ARHGEF26: variants seen among roughly 807,000 people sequenced by gnomAD.
ARHGEF26 encodes the protein Rho guanine nucleotide exchange factor (GEF) 26.
Under a neutral mutation model 89.4 loss-of-function variants are expected in ARHGEF26, and 59 were observed. The ratio of observed to expected loss-of-function variants is 0.66; its 90% CI spans 0.54 to 0.82. The LOEUF (loss-of-function observed/expected upper bound fraction) is 0.82, where lower values mean the gene tolerates loss of function less well. Among genes scored for constraint, ARHGEF26 ranks in the 40% least tolerant of loss-of-function variants. ARHGEF26 has a pLI of 0.00. For synonymous variants in ARHGEF26, 500 were observed against 428.4 expected, an observed-to-expected ratio of 1.17 and a Z score of -2.06; for missense variants, 1,234 against 1,085.6, an observed-to-expected ratio of 1.14 and a Z score of -1.92.
Position 154,203,594 on chromosome 3 carries a change from A to G in ARHGEF26, c.1845+8876A>G, listed in dbSNP as rs1714800533. 2.0e-5 allele frequency among the ~76,000 whole-genome samples: 3 copies of G among 152,162 alleles called. No individual in the cohort carries two copies. In the South Asian group the frequency reaches 6.2e-4, roughly 32 times the overall value. On this transcript the variant is annotated intron_variant, in intron 9 of 14. Coordinates refer to ENST00000465093, the MANE Select transcript of ARHGEF26 (RefSeq NM_015595.4). ...AGAGGAAAGGTTTTCAGTTTTCTCC[A>G]TTCAGTTGATACTAGCTATGGGTCT...
At chr3:154,192,035 G>A (rs980875118) in intron 8 of ARHGEF26, among the ~76,000 whole-genome samples, 1 of 152,166 alleles carries the variant, frequency 6.6e-6, no homozygotes, top group African/African-American at 2.4e-5. Context: ...CTAGTAGTAC[G>A]TGCAGCTGGA....
chr3:154,208,284 A>G (rs1476210395), intron 9 of ARHGEF26, among the ~76,000 whole-genome samples: 1 of 152,154 alleles, frequency 6.6e-6, no homozygotes, highest in Non-Finnish European at 1.5e-5. Flanking sequence ...AACTGGGCTC[A>G]AGTGATCCCT....
intron 10 of ARHGEF26, 105 bp downstream of exon 10, chr3:154,218,063 G>A: frequency 1.8e-6 from 2 of 1,087,336 alleles, no homozygotes; most frequent in Admixed American, 4.3e-5. Context: ...TTTCAAAGAA[G>A]GGTCATAAAT....
At position 154,125,539 on chromosome 3, in the gene ARHGEF26, T is replaced by G. The variant is rs147891598; in HGVS notation, c.1123+1090T>G. Among the ~76,000 whole-genome samples, 308 of 152,284 alleles carry G rather than the reference T, an allele frequency of 2.0e-3. 1 individual carries two copies. The highest frequency in any genetic ancestry group is 2.7e-3 in the Non-Finnish European group (184 of 68,016). ...CGAGTTCTTAGTCCAGTTTGCTGCT[T>G]CTTATAGCACTCTGACTATGAAGTG... On this transcript the variant is annotated intron_variant, in intron 3 of 14. Transcript: ENST00000465093.
chr3:154,163,483 G>A (rs75614466), intron 6 of ARHGEF26, among the ~76,000 whole-genome samples: 2,701 of 152,240 alleles, frequency 0.018, 66 homozygotes, highest in African/African-American at 0.061. Flanking sequence ...TATTGTAAGT[G>A]CAGTTAAGGG....
chr3:154,176,783 G>T (rs887691183), intron 6 of ARHGEF26, among the ~76,000 whole-genome samples: 3 of 152,140 alleles, frequency 2.0e-5, no homozygotes, highest in Admixed American at 6.5e-5. Flanking sequence ...GATTTTGGTA[G>T]ATTCTTTTTA....
intron 6 of ARHGEF26, among the ~76,000 whole-genome samples, chr3:154,174,109 T>C (rs928976512): frequency 6.6e-6 from 1 of 152,192 alleles, no homozygotes; most frequent in African/African-American, 2.4e-5. Context: ...ATACCTGCCC[T>C]GGCAGCCAGG....
At chr3:154,200,122 G>A (rs143460357) in intron 9 of ARHGEF26, among the ~76,000 whole-genome samples, 155 of 152,060 alleles carry the variant, frequency 1.0e-3, no homozygotes, top group African/African-American at 3.6e-3. Context: ...TATTTTTCAA[G>A]GAATTTTTGC....
rs749772915 is a variant in ARHGEF26 at position 154,122,814 on chromosome 3, ACTC to A, written c.826_828del (p.Leu276del). The A allele has an allele frequency of 9.3e-6, 15 of 1,612,006 alleles. No homozygotes were observed. Among genetic ancestry groups the A allele is most frequent in the Non-Finnish European group, 1.3e-5 (15 of 1,179,188 alleles). On this transcript the variant is annotated inframe_deletion, in exon 2 of 15. Coordinates refer to ENST00000465093, the MANE Select transcript of ARHGEF26 (RefSeq NM_015595.4). ...ATCAAAATGTGGAGCCCCACAAGAG[ACTC>A]CTCAAGGTGCGCAGCATGGTGGAGG... is the stretch of plus-strand genomic sequence containing the variant.
At chr3:154,216,737 A>C in intron 9 of ARHGEF26, among the ~76,000 whole-genome samples, 1 of 67,644 alleles carries the variant, frequency 1.5e-5, no homozygotes. Context: ...TCCTGTGTCC[A>C]TGTGATCTCA....
intron 10 of ARHGEF26, among the ~76,000 whole-genome samples, chr3:154,221,202 A>T (rs1716105773): frequency 6.6e-6 from 1 of 152,198 alleles, no homozygotes; most frequent in African/African-American, 2.4e-5. Context: ...CAGAAAAGGA[A>T]ATCCAAATGA....
At chr3:154,223,306 C>G (rs1199801000) in intron 10 of ARHGEF26, among the ~76,000 whole-genome samples, 1 of 152,070 alleles carries the variant, frequency 6.6e-6, no homozygotes, top group African/African-American at 2.4e-5. Flanking sequence ...TCCCAAAAAT[C>G]TAAACATAAG....
intron 9 of ARHGEF26, 55 bp downstream of exon 9, chr3:154,194,773 GAC>G: frequency 2.1e-6 from 3 of 1,454,418 alleles, no homozygotes. Flanking sequence ...AGTTAGCTCA[GAC>G]ACAAAGTGTG....
At chr3:154,137,055 T>C (rs926505516) in intron 4 of ARHGEF26, among the ~76,000 whole-genome samples, 2 of 152,200 alleles carry the variant, frequency 1.3e-5, no homozygotes, top group Admixed American at 1.3e-4. Flanking sequence ...CCCATGTGCC[T>C]AGACCTGAGA....
intron 6 of ARHGEF26, among the ~76,000 whole-genome samples, chr3:154,181,492 G>T (rs1348439018): frequency 6.6e-6 from 1 of 152,182 alleles, no homozygotes; most frequent in Admixed American, 6.5e-5. Context: ...TTGAAAGGAT[G>T]CCATTCTGAG....
At chr3:154,137,938 A>T (rs999231032) in intron 4 of ARHGEF26, among the ~76,000 whole-genome samples, 1 of 152,182 alleles carries the variant, frequency 6.6e-6, no homozygotes, top group African/African-American at 2.4e-5. Flanking sequence ...TGCTGCTCTC[A>T]ATTTGGCAAT....
intron 4 of ARHGEF26, among the ~76,000 whole-genome samples, chr3:154,135,644 T>G (rs956959403): frequency 2.6e-5 from 4 of 152,198 alleles, no homozygotes; most frequent in Non-Finnish European, 5.9e-5. Context: ...CCAGCAGTTC[T>G]TGGATCTCTG....
chr3:154,183,977 C>CTTGTTTTT (rs1713338819), intron 6 of ARHGEF26, among the ~76,000 whole-genome samples: 1 of 140,318 alleles, frequency 7.1e-6, no homozygotes, highest in African/African-American at 2.6e-5. Context: ...AATTTTCTTT[C>CTTGTTTTT]TTTTTTTTTT....
intron 8 of ARHGEF26, among the ~76,000 whole-genome samples, chr3:154,193,815 C>T (rs1448921180): frequency 6.6e-6 from 1 of 150,982 alleles, no homozygotes; most frequent in East Asian, 1.9e-4. Flanking sequence ...ACCTAGCAGG[C>T]TTTTTTTCCT....
Sources: allele counts gnomAD v4.1 joint callset (sites outside exome capture counted in the v4.1 genomes callset), GRCh38; gene constraint gnomAD v4.1.1; transcripts MANE v1.5; gene names NCBI Gene and HGNC (gene_info 2026-07-23, HGNC 2026-07-21).